The following FAM204A variants were observed in gnomAD, a reference collection of about 807,000 sequenced individuals.
The protein encoded by FAM204A is protein FAM204A.
FAM204A carries 16 observed loss-of-function variants against 35.4 expected under a neutral mutation model. The ratio of observed to expected loss-of-function variants is 0.45; its 90% CI spans 0.31 to 0.69. FAM204A has a LOEUF of 0.69. Among genes scored for constraint, FAM204A ranks in the 30% least tolerant of loss-of-function variants. FAM204A has a pLI of 0.07. For synonymous variants in FAM204A, 76 were observed against 86.9 expected (o/e 0.88, Z 0.70); for missense variants, 240 against 265.7 (o/e 0.90, Z 0.67).
intron 6 of FAM204A, 56 bp downstream of exon 6, chr10:118,335,058 G>T: frequency 2.3e-6 from 3 of 1,279,412 alleles, no homozygotes; most frequent in Non-Finnish European, 3.4e-6. Flanking sequence ...TTTAGGCGAG[G>T]CTAATCACAA....
rs888731505 is a variant in FAM204A, at chr10:118,306,534, T to C, written c.*4323A>G. 6.6e-6 allele frequency: 1 copy of C among 152,234 alleles called. No homozygotes were observed. The highest frequency in any genetic ancestry group is 2.4e-5 in the African/African-American group (1 of 41,464). 9.4% of individuals were successfully genotyped at this position (152,234 alleles called of 1,614,324 possible). On this transcript the variant is annotated 3_prime_UTR_variant, in exon 9 of 9. Coordinates refer to ENST00000369183, the MANE Select transcript of FAM204A (RefSeq NM_022063.3). The stretch of plus-strand genomic sequence containing the variant: ...TGATTTACATGCACATCTAAAAACA[T>C]AGCATTCTGCATGGCATTTAATAAA...
intron 7 of FAM204A, among the ~76,000 whole-genome samples, chr10:118,323,473 C>G (rs1005822984): frequency 6.6e-6 from 1 of 152,114 alleles, no homozygotes. Context: ...CTAGAAGGTT[C>G]TGTTTCTGAT....
intron 7 of FAM204A, among the ~76,000 whole-genome samples, chr10:118,325,901 TA>T (rs1460448965): frequency 6.6e-6 from 1 of 152,110 alleles, no homozygotes; most frequent in Admixed American, 6.6e-5. Flanking sequence ...CTGATCCAGG[TA>T]AAATCTAAGG....
chr10:118,311,214 C>T lies in FAM204A; in HGVS notation c.643G>A (p.Ala215Thr). Residue 215 changes from alanine to threonine, a missense_variant, in exon 8 of 9, where the codon GCA (alanine) becomes ACA (threonine). Transcript: ENST00000369183. ...AATCTTAAGTAAACTCACCCCCATGCAAGTTTCTTCTTTTTTCGGGCAGCC... is the reference window on the plus strand; with the variant it reads ...AATCTTAAGTAAACTCACCCCCATGTAAGTTTCTTCTTTTTTCGGGCAGCC... The part of the protein sequence containing the change: ...SQAARKKKKL[A>T]WGFEAKKRWE... 6.2e-7 allele frequency: 1 copy of T among 1,608,542 alleles called. No individual in the cohort carries two copies. Among genetic ancestry groups the T allele is most frequent in the Non-Finnish European group, 8.5e-7 (1 of 1,178,954 alleles).
intron 6 of FAM204A, among the ~76,000 whole-genome samples, chr10:118,332,687 C>T (rs530159234): frequency 1.3e-5 from 2 of 152,102 alleles, no homozygotes; most frequent in South Asian, 2.1e-4. Context: ...AAACCAAGTT[C>T]GAAAAAGCTA....
intron 7 of FAM204A, among the ~76,000 whole-genome samples, chr10:118,314,588 A>G (rs2151528): frequency 0.13 from 19,965 of 152,164 alleles, 1,525 homozygotes; most frequent in Admixed American, 0.21. Context: ...CAAATAAAAT[A>G]GGCCGAAAAG....
At chr10:118,318,571 C>G (rs1846064476) in intron 7 of FAM204A, among the ~76,000 whole-genome samples, 1 of 151,956 alleles carries the variant, frequency 6.6e-6, no homozygotes, top group African/African-American at 2.4e-5. Context: ...TCACAGGTTC[C>G]AGTGGTAAAT....
At chr10:118,332,898 AAATT>A (rs1355510615) in intron 6 of FAM204A, among the ~76,000 whole-genome samples, 2 of 152,228 alleles carry the variant, frequency 1.3e-5, no homozygotes, top group Admixed American at 6.5e-5. Context: ...ATTTATAGTG[AAATT>A]AATGAGTGAA....
intron 7 of FAM204A, among the ~76,000 whole-genome samples, chr10:118,315,755 C>T (rs1846020863): frequency 6.6e-6 from 1 of 152,086 alleles, no homozygotes; most frequent in Admixed American, 6.6e-5. Context: ...TCTGATTAAT[C>T]AAGCCTGCAA....
chr10:118,316,003 T>G (rs780007335), intron 7 of FAM204A, among the ~76,000 whole-genome samples: 1 of 152,172 alleles, frequency 6.6e-6, no homozygotes, highest in Non-Finnish European at 1.5e-5. Context: ...TATGACATTA[T>G]TCATTTACTT....
chr10:118,324,142 C>A (rs1319839058), intron 7 of FAM204A, among the ~76,000 whole-genome samples: 4 of 151,932 alleles, frequency 2.6e-5, no homozygotes, highest in African/African-American at 7.3e-5. Flanking sequence ...TGCTGTTATA[C>A]ACAATGAAAG....
At position 118,308,040 on chromosome 10, in the gene FAM204A, T is replaced by A. The variant is rs914301527; in HGVS notation, c.*2817A>T. Reference sequence around the variant, plus strand: ...CAATCTCTCCTTTCGGTGAAAGACATAGAATGTTCTGCTGAAAATCAGAAA... The same window carrying A: ...CAATCTCTCCTTTCGGTGAAAGACAAAGAATGTTCTGCTGAAAATCAGAAA... On this transcript the variant is annotated 3_prime_UTR_variant, in exon 9 of 9. Transcript: ENST00000369183. The A allele has an allele frequency of 6.6e-6, 1 of 152,148 alleles. No individual in the cohort carries two copies. The highest frequency in any genetic ancestry group is 2.4e-5 in the African/African-American group (1 of 41,460). 9.4% of individuals were successfully genotyped at this position (152,148 alleles called of 1,614,324 possible).
Position 118,320,753 on chromosome 10 carries a change from A to C in FAM204A, c.543+5401T>G, listed in dbSNP as rs76360028. Among the ~76,000 whole-genome samples the C allele has an allele frequency of 8.6e-4, 131 of 151,978 alleles. No individual in the cohort carries two copies. The East Asian group carries it at 0.016, about 19-fold the overall frequency. On this transcript the variant is annotated intron_variant, in intron 7 of 8. Coordinates refer to ENST00000369183, the MANE Select transcript of FAM204A (RefSeq NM_022063.3). ...AGGCTTCAAACATGTGAAGTGACTGAGACATCCCCCAAACCAGATTCTACA... is the reference window on the plus strand; with the variant it reads ...AGGCTTCAAACATGTGAAGTGACTGCGACATCCCCCAAACCAGATTCTACA...
intron 6 of FAM204A, among the ~76,000 whole-genome samples, chr10:118,331,274 G>C (rs1293197348): frequency 6.6e-6 from 1 of 152,104 alleles, no homozygotes; most frequent in African/African-American, 2.4e-5. Context: ...TACTATAGGA[G>C]TGGCAGGAGG....
intron 7 of FAM204A, among the ~76,000 whole-genome samples, chr10:118,316,120 G>A (rs1462272384): frequency 1.3e-5 from 2 of 152,060 alleles, no homozygotes; most frequent in Non-Finnish European, 2.9e-5. Context: ...AGCCAAAGTT[G>A]AAATAACATA....
At chr10:118,331,083 T>C (rs1181445543) in intron 6 of FAM204A, among the ~76,000 whole-genome samples, 2 of 152,212 alleles carry the variant, frequency 1.3e-5, no homozygotes, top group Non-Finnish European at 2.9e-5. Context: ...AGAAGGCTTA[T>C]CTCTATAAGG....
In FAM204A at chr10:118,298,898, A is replaced by T. The variant is rs1238201851; in HGVS notation, c.*11959T>A. On this transcript the variant is annotated 3_prime_UTR_variant, in exon 9 of 9. Coordinates refer to ENST00000369183, the MANE Select transcript of FAM204A (RefSeq NM_022063.3). ...TTGCATTACCTATCCTGTTTAAAAAAATAAAACAATCTAAGAAGGCAGATA... is the reference window on the plus strand; with the variant it reads ...TTGCATTACCTATCCTGTTTAAAAATATAAAACAATCTAAGAAGGCAGATA... 6.6e-6 allele frequency: 1 copy of T among 152,246 alleles called. No homozygotes were observed. Among genetic ancestry groups the T allele is most frequent in the Non-Finnish European group, 1.5e-5 (1 of 68,042 alleles). 9.4% of individuals were successfully genotyped at this position (152,246 alleles called of 1,614,324 possible).
At chr10:118,313,749 C>T (rs1347258100) in intron 7 of FAM204A, among the ~76,000 whole-genome samples, 2 of 152,202 alleles carry the variant, frequency 1.3e-5, no homozygotes, top group Non-Finnish European at 1.5e-5. Context: ...TATATTTCAA[C>T]TGAGACTATA....
Position 118,297,982 on chromosome 10 carries a change from G to A in FAM204A, c.*12875C>T, listed in dbSNP as rs1845767437. ...TTGTCACAACAGCCCTGACCAAGTA[G>A]TTATTATTGCCCTCCCTTACAGAAC... On this transcript the variant is annotated 3_prime_UTR_variant, in exon 9 of 9. Coordinates refer to ENST00000369183, the MANE Select transcript of FAM204A (RefSeq NM_022063.3). The A allele has an allele frequency of 6.6e-6, 1 of 152,192 alleles. No homozygotes were observed. Among genetic ancestry groups the A allele is most frequent in the African/African-American group, 2.4e-5 (1 of 41,434 alleles). The allele number at this position is 152,192 out of a possible 1,614,324, so 9.4% of individuals were successfully genotyped here. A position where few individuals can be genotyped will look rare whatever the true frequency, so the allele number is the denominator to read the frequency against.
Sources: allele counts gnomAD v4.1 joint callset (sites outside exome capture counted in the v4.1 genomes callset), GRCh38; gene constraint gnomAD v4.1.1; transcripts MANE v1.5; gene names NCBI Gene and HGNC (gene_info 2026-07-23, HGNC 2026-07-21).